The following LHFPL3 variants were observed in gnomAD, a reference collection of about 807,000 sequenced individuals.
The protein encoded by LHFPL3 is LHFPL tetraspan subfamily member 3.
In LHFPL3, 5 loss-of-function variants were observed where a neutral mutation model predicts 19.3. The observed-to-expected ratio is 0.26, with a 90% CI of 0.14 to 0.54. LHFPL3 has a LOEUF of 0.54. Among genes scored for constraint, LHFPL3 ranks in the 20% least tolerant of loss-of-function variants. The probability of loss-of-function intolerance (pLI) is 0.94; values close to 1 mark genes in which losing one functional copy is unlikely to be tolerated. For missense variants in LHFPL3, 249 were observed against 307.4 expected, an observed-to-expected ratio of 0.81 and a Z score of 1.42; for synonymous variants, 133 against 126.2, an observed-to-expected ratio of 1.05 and a Z score of -0.36.
intron 1 of LHFPL3, among the ~76,000 whole-genome samples, chr7:104,637,330 T>C (rs1292290179): frequency 6.6e-6 from 1 of 152,192 alleles, no homozygotes; most frequent in Non-Finnish European, 1.5e-5. Flanking sequence ...TTCTAACAGT[T>C]GTCTCTTTAC....
intron 1 of LHFPL3, among the ~76,000 whole-genome samples, chr7:104,663,838 C>T (rs1057464178): frequency 1.3e-5 from 2 of 152,150 alleles, no homozygotes; most frequent in African/African-American, 4.8e-5. Flanking sequence ...GAGTTGGGTG[C>T]TCAACTATCA....
intron 2 of LHFPL3, among the ~76,000 whole-genome samples, chr7:104,737,956 G>A (rs1793860572): frequency 6.6e-6 from 1 of 152,050 alleles, no homozygotes; most frequent in Non-Finnish European, 1.5e-5. Context: ...GATATAGCAG[G>A]CTTTATATCT....
intron 1 of LHFPL3, among the ~76,000 whole-genome samples, chr7:104,674,794 A>G (rs1309205848): frequency 6.6e-6 from 1 of 152,220 alleles, no homozygotes; most frequent in East Asian, 1.9e-4. Flanking sequence ...TTTAATGCAA[A>G]CCAAAATTAG....
At chr7:104,336,926 G>T (rs1363934150) in intron 1 of LHFPL3, among the ~76,000 whole-genome samples, 3 of 152,186 alleles carry the variant, frequency 2.0e-5, no homozygotes, top group Non-Finnish European at 4.4e-5. Flanking sequence ...AATCAAGGGG[G>T]TTCTCCACAT....
chr7:104,404,556 C>G (rs1584296700), intron 1 of LHFPL3, among the ~76,000 whole-genome samples: 1 of 152,174 alleles, frequency 6.6e-6, no homozygotes, highest in Non-Finnish European at 1.5e-5. Context: ...TGACAAATCA[C>G]AGTCATCACC....
intron 2 of LHFPL3, among the ~76,000 whole-genome samples, chr7:104,885,866 G>C (rs937327319): frequency 6.6e-6 from 1 of 151,502 alleles, no homozygotes; most frequent in Admixed American, 6.6e-5. Context: ...TATATTGCCC[G>C]GTTCACCCTG....
chr7:104,458,953 T>G (rs1418407713), intron 1 of LHFPL3, among the ~76,000 whole-genome samples: 1 of 152,144 alleles, frequency 6.6e-6, no homozygotes, highest in South Asian at 2.1e-4. Context: ...CTGTCAGCCG[T>G]GGAGGTGGGA....
At chr7:104,391,587 G>C (rs1791069809) in intron 1 of LHFPL3, among the ~76,000 whole-genome samples, 4 of 152,168 alleles carry the variant, frequency 2.6e-5, no homozygotes, top group Admixed American at 2.6e-4. Context: ...GGTTACTGTA[G>C]CCTTGTAGTA....
chr7:104,569,150 G>A (rs1790179476), intron 1 of LHFPL3, among the ~76,000 whole-genome samples: 1 of 152,106 alleles, frequency 6.6e-6, no homozygotes, highest in Non-Finnish European at 1.5e-5. Context: ...CAGAGAATTG[G>A]AAAGTGAAAT....
At chr7:104,421,134 G>A (rs1032278851) in intron 1 of LHFPL3, among the ~76,000 whole-genome samples, 5 of 152,202 alleles carry the variant, frequency 3.3e-5, no homozygotes, top group Admixed American at 3.3e-4. Context: ...CATACTCAAT[G>A]AAGTAAGATC....
intron 1 of LHFPL3, among the ~76,000 whole-genome samples, chr7:104,377,024 C>T (rs1339547548): frequency 6.6e-6 from 1 of 152,112 alleles, no homozygotes; most frequent in Non-Finnish European, 1.5e-5. Context: ...AAGGTAACAT[C>T]GCAAATTGGC....
At chr7:104,795,368 A>G (rs1286014683) in intron 2 of LHFPL3, among the ~76,000 whole-genome samples, 1 of 152,200 alleles carries the variant, frequency 6.6e-6, no homozygotes, top group African/African-American at 2.4e-5. Flanking sequence ...AACCAGCAAG[A>G]TAACAGGCTT....
rs148895068 is a variant in LHFPL3, at chr7:104,676,612, C to T, written c.446-60063C>T. ...AGAATCATCTGACAAGCATATTGGA[C>T]GATGCAAACCATCTTAGAAATAGCA... On this transcript the variant is annotated intron_variant, in intron 1 of 2. Coordinates refer to ENST00000424859, the MANE Select transcript of LHFPL3 (RefSeq NM_199000.3). Among the ~76,000 whole-genome samples, 181 of 152,250 alleles carry T rather than the reference C, an allele frequency of 1.2e-3. 1 individual carries two copies. The highest frequency in any genetic ancestry group is 3.6e-3 in the African/African-American group (149 of 41,532).
intron 1 of LHFPL3, among the ~76,000 whole-genome samples, chr7:104,690,659 T>C (rs1792889803): frequency 6.6e-6 from 1 of 152,254 alleles, no homozygotes; most frequent in African/African-American, 2.4e-5. Flanking sequence ...TGTCAAGGTA[T>C]TCCTTCTAAG....
chr7:104,550,984 C>G (rs1285529347), intron 1 of LHFPL3, among the ~76,000 whole-genome samples: 1 of 152,092 alleles, frequency 6.6e-6, no homozygotes, highest in Non-Finnish European at 1.5e-5. Context: ...TCTCCTTGCT[C>G]TCTCTCACCA....
intron 1 of LHFPL3, among the ~76,000 whole-genome samples, chr7:104,597,235 A>T (rs1644737840): frequency 6.6e-6 from 1 of 152,240 alleles, no homozygotes; most frequent in Non-Finnish European, 1.5e-5. Flanking sequence ...TTTTTGGAAT[A>T]AATGTTCTTT....
intron 1 of LHFPL3, among the ~76,000 whole-genome samples, chr7:104,660,264 G>A (rs958269019): frequency 2.6e-5 from 4 of 152,222 alleles, no homozygotes; most frequent in Non-Finnish European, 5.9e-5. Flanking sequence ...GCCTCCCAAA[G>A]TGCTGGGATT....
chr7:104,739,537 C>CA (rs1793891784), intron 2 of LHFPL3, among the ~76,000 whole-genome samples: 1 of 152,156 alleles, frequency 6.6e-6, no homozygotes, highest in Non-Finnish European at 1.5e-5. Flanking sequence ...GGTGCTTTTA[C>CA]AAATTGCATG....
intron 2 of LHFPL3, among the ~76,000 whole-genome samples, chr7:104,776,706 C>CAT (rs1405001146): frequency 6.6e-6 from 1 of 152,206 alleles, no homozygotes; most frequent in East Asian, 1.9e-4. Context: ...TTCATACTGG[C>CAT]ATATAGATGT....
Sources: gnomAD v4.1 joint callset for allele counts (sites outside exome capture counted in the v4.1 genomes callset) on GRCh38, gnomAD v4.1.1 for gene constraint, MANE v1.5 for transcripts, NCBI Gene and HGNC (gene_info 2026-07-23, HGNC 2026-07-21) for gene names.